Variants in GNAO1 observed in about 807,000 individuals in gnomAD.
The protein encoded by GNAO1 is G protein subunit alpha o1.
For missense variants in GNAO1, 166 were observed against 478.7 expected (o/e 0.35, Z 6.10); for synonymous variants, 164 against 180.7 (o/e 0.91, Z 0.74).
At chr16:56,292,489 G>A (rs571993091) in intron 3 of GNAO1, among the ~76,000 whole-genome samples, 1 of 152,196 alleles carries the variant, frequency 6.6e-6, no homozygotes, top group Admixed American at 6.5e-5. Flanking sequence ...AGTCTCCTAA[G>A]TAGCTGGGAC....
intron 6 of GNAO1, chr16:56,347,770 T>A: frequency 4.1e-6 from 1 of 244,770 alleles, no homozygotes; most frequent in Non-Finnish European, 4.7e-6. Context: ...TCCCCACCCC[T>A]CCCCTCCCTT....
At chr16:56,195,470 C>T (rs1458831787) in intron 2 of GNAO1, among the ~76,000 whole-genome samples, 1 of 152,170 alleles carries the variant, frequency 6.6e-6, no homozygotes, top group East Asian at 1.9e-4. Flanking sequence ...TTTGAGATGG[C>T]CACTTGACTG....
Position 56,334,827 on chromosome 16 carries a change from C to T in GNAO1, c.563C>T (p.Thr188Ile). The T allele has an allele frequency of 1.2e-6, 2 of 1,614,068 alleles. No individual in the cohort carries two copies. The highest frequency in any genetic ancestry group is 1.7e-6 in the Non-Finnish European group (2 of 1,180,022). Residue 188 changes from threonine to isoleucine, a missense_variant, in exon 5 of 9, where the codon ACC becomes ATC. By Grantham distance (89) the Thr-to-Ile change is moderately conservative. Transcript: ENST00000262493. ...GTCAAAACCACTGGCATCGTAGAAA[C>T]CCACTTCACATTCAAGAACCTCCAC... ...TRVKTTGIVE[T>I]HFTFKNLHFR...
At chr16:56,322,684 G>A (rs777091345) in intron 3 of GNAO1, among the ~76,000 whole-genome samples, 4 of 152,104 alleles carry the variant, frequency 2.6e-5, no homozygotes, top group Non-Finnish European at 5.9e-5. Flanking sequence ...GAAGTCCAGA[G>A]CTGCTGGCTG....
intron 2 of GNAO1, among the ~76,000 whole-genome samples, chr16:56,259,474 G>A (rs2036883260): frequency 6.6e-6 from 1 of 152,240 alleles, no homozygotes; most frequent in Admixed American, 6.5e-5. Flanking sequence ...GCATGTTGGA[G>A]CTTGAAGCTC....
chr16:56,223,324 C>T (rs1301829142), intron 2 of GNAO1, among the ~76,000 whole-genome samples: 1 of 152,216 alleles, frequency 6.6e-6, no homozygotes, highest in African/African-American at 2.4e-5. Flanking sequence ...CCCTGCTTTC[C>T]TCTATCTTAA....
At chr16:56,214,828 T>A (rs1022403571) in intron 2 of GNAO1, among the ~76,000 whole-genome samples, 2 of 152,260 alleles carry the variant, frequency 1.3e-5, no homozygotes, top group African/African-American at 4.8e-5. Flanking sequence ...TTCTGTCCCA[T>A]GGCCTGTGCC....
intron 7 of GNAO1, chr16:56,352,022 CA>C (rs1318440132): frequency 1.9e-5 from 3 of 157,460 alleles, no homozygotes; most frequent in Non-Finnish European, 2.8e-5. Flanking sequence ...GTGCCCGGAA[CA>C]TGCTTCATCT....
intron 2 of GNAO1, among the ~76,000 whole-genome samples, chr16:56,248,399 G>A (rs1361549844): frequency 6.6e-6 from 1 of 152,172 alleles, no homozygotes; most frequent in Non-Finnish European, 1.5e-5. Flanking sequence ...GCCATGTACT[G>A]AGAATGGCGG....
At chr16:56,283,743 C>T (rs2037136631) in intron 3 of GNAO1, among the ~76,000 whole-genome samples, 1 of 152,054 alleles carries the variant, frequency 6.6e-6, no homozygotes, top group African/African-American at 2.4e-5. Context: ...CTCCCATAGC[C>T]CAAACACGAG....
intron 2 of GNAO1, among the ~76,000 whole-genome samples, chr16:56,212,544 G>A (rs1015195010): frequency 3.9e-5 from 6 of 152,170 alleles, no homozygotes; most frequent in African/African-American, 1.4e-4. Context: ...AAAACTAAAC[G>A]ACCAGATTTG....
chr16:56,335,254 G>C (rs1050654250), intron 5 of GNAO1, among the ~76,000 whole-genome samples: 2 of 152,210 alleles, frequency 1.3e-5, no homozygotes, highest in Non-Finnish European at 2.9e-5. Flanking sequence ...GAGGACCCAA[G>C]TAATCCCAGA....
At chr16:56,347,907 G>A (rs1394164107) in intron 6 of GNAO1, 25 of 858,132 alleles carry the variant, frequency 2.9e-5, no homozygotes, top group Middle Eastern at 5.9e-4. Context: ...GGCTCTGCCC[G>A]CCGTCCCCCA....
chr16:56,336,615 C>G lies in GNAO1; in HGVS notation c.594-116C>G. 3.2e-6 allele frequency: 3 copies of G among 929,682 alleles called. No individual in the cohort carries two copies. In the South Asian group the frequency reaches 5.2e-5, roughly 16 times the overall value. The allele number at this position is 929,682 out of a possible 1,614,324, so 57.6% of individuals were successfully genotyped here. On this transcript the variant is annotated intron_variant, in intron 5 of 8. Coordinates refer to ENST00000262493, the MANE Select transcript of GNAO1 (RefSeq NM_020988.3). Reference sequence around the variant, plus strand: ...AAGGTCTTCTAGTGAGGGCTTTTAGCAAGGCTCTGAGCACCATGGCCCCCA... The same window carrying G: ...AAGGTCTTCTAGTGAGGGCTTTTAGGAAGGCTCTGAGCACCATGGCCCCCA...
At chr16:56,208,290 C>G (rs2036349135) in intron 2 of GNAO1, among the ~76,000 whole-genome samples, 1 of 151,940 alleles carries the variant, frequency 6.6e-6, no homozygotes, top group South Asian at 2.1e-4. Context: ...TATTCTTCAC[C>G]TCATTGCTAT....
chr16:56,314,200 AAC>A (rs1410817071), intron 3 of GNAO1, among the ~76,000 whole-genome samples: 1 of 152,248 alleles, frequency 6.6e-6, no homozygotes, highest in Non-Finnish European at 1.5e-5. Context: ...TACAGTGGTA[AAC>A]ACAAGTCTTC....
At chr16:56,323,777 CCTT>C (rs2037601432) in intron 3 of GNAO1, among the ~76,000 whole-genome samples, 1 of 152,120 alleles carries the variant, frequency 6.6e-6, no homozygotes, top group Admixed American at 6.6e-5. Flanking sequence ...CTAATGGTCT[CCTT>C]CTGTGTGGGG....
intron 2 of GNAO1, among the ~76,000 whole-genome samples, chr16:56,249,209 A>G (rs555795682): frequency 6.6e-6 from 1 of 152,322 alleles, no homozygotes; most frequent in South Asian, 2.1e-4. Context: ...AGTAACTGAT[A>G]AAATGGAGGT....
At chr16:56,295,169 G>A (rs1368284704) in intron 3 of GNAO1, among the ~76,000 whole-genome samples, 1 of 152,150 alleles carries the variant, frequency 6.6e-6, no homozygotes, top group African/African-American at 2.4e-5. Context: ...AGCATTGGGA[G>A]CCCTTTGCTA....
Sources: allele counts gnomAD v4.1 joint callset (sites outside exome capture counted in the v4.1 genomes callset), GRCh38; gene constraint gnomAD v4.1.1; transcripts MANE v1.5; gene names NCBI Gene and HGNC (gene_info 2026-07-23, HGNC 2026-07-21).